NUP62CL: variants seen among roughly 807,000 people sequenced by gnomAD.
NUP62CL encodes nucleoporin 62 C-terminal like.
A neutral mutation model predicts 15.3 loss-of-function variants in NUP62CL; 13 were observed. The ratio of observed to expected loss-of-function variants is 0.85; its 90% confidence interval spans 0.55 to 1.35. The LOEUF (loss-of-function observed/expected upper bound fraction) is 1.35. NUP62CL is among the 40% of genes most tolerant of loss of function. The pLI is 0.00. For synonymous variants in NUP62CL, 54 were observed against 49.2 expected (o/e 1.10, Z -0.41); for missense variants, 123 against 130.6 (o/e 0.94, Z 0.28).
At chrX:107,204,487 G>A (rs1312349259) in intron 1 of NUP62CL, among the ~76,000 whole-genome samples, 1 of 110,797 alleles carries the variant, frequency 9.0e-6, no homozygotes, top group African/African-American at 3.3e-5. Flanking sequence ...GCCAGGGACA[G>A]ATGAAACCTT....
intron 8 of NUP62CL, among the ~76,000 whole-genome samples, chrX:107,142,399 C>G (rs1925792531): frequency 9.0e-6 from 1 of 111,489 alleles, no homozygotes; most frequent in Admixed American, 9.5e-5. Context: ...AGGAGTAACT[C>G]TGCCCTAAAT....
chrX:107,190,987 C>G (rs1927223322), intron 2 of NUP62CL, among the ~76,000 whole-genome samples: 1 of 107,080 alleles, frequency 9.3e-6, no homozygotes, highest in Non-Finnish European at 1.9e-5. Flanking sequence ...GGCACCTACC[C>G]CAGAAGCCCC....
intron 2 of NUP62CL, among the ~76,000 whole-genome samples, chrX:107,191,564 C>A (rs961031620): frequency 5.5e-5 from 6 of 109,998 alleles, no homozygotes; most frequent in Non-Finnish European, 3.8e-5. Flanking sequence ...AAAAATTAGC[C>A]GGGCACAGTA....
chrX:107,141,342 T>C (rs968135296), intron 8 of NUP62CL, among the ~76,000 whole-genome samples: 16 of 112,387 alleles, frequency 1.4e-4, no homozygotes, highest in Non-Finnish European at 5.6e-5. Context: ...GGAACAAAGA[T>C]GAGCAAGTGG....
intron 2 of NUP62CL, among the ~76,000 whole-genome samples, chrX:107,187,287 A>G (rs1602662788): frequency 8.9e-6 from 1 of 112,039 alleles, no homozygotes; most frequent in African/African-American, 3.2e-5. Context: ...AAGAACTGAG[A>G]AAAAAAATAG....
rs778550969 is a variant in NUP62CL at position 107,189,934 on chromosome X, AAAGAAAGAAAG to A, written c.-48+3084_-48+3094del. Among the ~76,000 whole-genome samples, 399 of 107,806 alleles carry A rather than the reference AAAGAAAGAAAG, an allele frequency of 3.7e-3. 4 individuals are homozygous for A. Among genetic ancestry groups the A allele is most frequent in the Non-Finnish European group, 4.7e-3 (244 of 52,091 alleles). The allele number at this position is 107,806 out of a possible 115,157, so 93.6% of individuals were successfully genotyped here. ...GAAAGAAAGAAAGAAAGAAAGAAAGAAAGAAAGAAAGAGAATCGATACAGACAACAATCTGG... is the reference window on the plus strand; with the variant it reads ...GAAAGAAAGAAAGAAAGAAAGAAAGAAGAATCGATACAGACAACAATCTGG... On this transcript the variant is annotated intron_variant, in intron 2 of 8. Transcript: ENST00000372466.
At chrX:107,188,973 T>G (rs1927141788) in intron 2 of NUP62CL, among the ~76,000 whole-genome samples, 1 of 112,047 alleles carries the variant, frequency 8.9e-6, no homozygotes, top group Non-Finnish European at 1.9e-5. Flanking sequence ...AAAGGACTCC[T>G]ATAATACATT....
chrX:107,172,283 C>T (rs1278533862), intron 3 of NUP62CL, among the ~76,000 whole-genome samples: 1 of 109,751 alleles, frequency 9.1e-6, no homozygotes, highest in Non-Finnish European at 1.9e-5. Context: ...CAGCTATAAT[C>T]ACGCCACTGC....
intron 8 of NUP62CL, among the ~76,000 whole-genome samples, chrX:107,137,687 G>C (rs1041558748): frequency 1.8e-5 from 2 of 111,875 alleles, no homozygotes; most frequent in Non-Finnish European, 3.8e-5. Flanking sequence ...TATGTGATGT[G>C]GGTGATGAAA....
Position 107,124,177 on chromosome X carries a change from CTATT to C in NUP62CL, c.*194_*197del, listed in dbSNP as rs1488833873. ...TGAAATATTAAGTATAAATACTACTCTATTTAACATCAGAATTTGTAGGTAATAA... is the reference window on the plus strand; with the variant it reads ...TGAAATATTAAGTATAAATACTACTCTAACATCAGAATTTGTAGGTAATAA... On this transcript the variant is annotated 3_prime_UTR_variant, in exon 9 of 9. Coordinates refer to ENST00000372466, the MANE Select transcript of NUP62CL (RefSeq NM_017681.3). 6.2e-6 allele frequency: 2 copies of C among 321,866 alleles called. No individual in the cohort carries two copies. The highest frequency in any genetic ancestry group is 2.9e-5 in the South Asian group (1 of 34,237). The allele number at this position is 321,866 out of a possible 1,213,427, so 26.5% of individuals were successfully genotyped here.
intron 8 of NUP62CL, among the ~76,000 whole-genome samples, chrX:107,140,205 A>C (rs1214342667): frequency 8.9e-6 from 1 of 112,089 alleles, no homozygotes; most frequent in Non-Finnish European, 1.9e-5. Flanking sequence ...AGAAAAATGT[A>C]GTAGAATTAT....
intron 2 of NUP62CL, among the ~76,000 whole-genome samples, chrX:107,188,404 C>T (rs1282522180): frequency 9.1e-6 from 1 of 110,405 alleles, no homozygotes; most frequent in East Asian, 2.8e-4. Context: ...AACTTCAACA[C>T]CCAGTCATGG....
At chrX:107,177,209 A>C (rs1926807744) in intron 2 of NUP62CL, among the ~76,000 whole-genome samples, 1 of 112,087 alleles carries the variant, frequency 8.9e-6, no homozygotes, top group South Asian at 3.7e-4. Flanking sequence ...ATATAATTCC[A>C]TTTATGATTG....
intron 8 of NUP62CL, among the ~76,000 whole-genome samples, chrX:107,141,990 C>T (rs962385984): frequency 1.8e-5 from 2 of 109,491 alleles, no homozygotes; most frequent in Admixed American, 9.8e-5. Flanking sequence ...GCAGAGGTTG[C>T]AGTGAGCCGA....
intron 8 of NUP62CL, among the ~76,000 whole-genome samples, chrX:107,131,443 G>C (rs1297438847): frequency 7.1e-5 from 8 of 112,278 alleles, no homozygotes; most frequent in Admixed American, 3.8e-4. Flanking sequence ...GGATATCTAT[G>C]TGCAGATGTT....
In NUP62CL at chrX:107,193,057, C is replaced by A. The variant is rs1927280651; in HGVS notation, c.-76G>T. 9.0e-6 allele frequency: 1 copy of A among 111,200 alleles called. No homozygotes were observed. Among genetic ancestry groups the A allele is most frequent in the Admixed American group, 9.6e-5 (1 of 10,425 alleles). The allele number at this position is 111,200 out of a possible 1,213,427, so 9.2% of individuals were successfully genotyped here. A position where few individuals can be genotyped will look rare whatever the true frequency, so the allele number is the denominator to read the frequency against. On this transcript the variant is annotated 5_prime_UTR_variant, in exon 2 of 9. Coordinates refer to ENST00000372466, the MANE Select transcript of NUP62CL (RefSeq NM_017681.3). ...TAAAGTTCCTCCAAAATTAAACCTG[C>A]TGATGACTCCAAACCCTAAAAAAGG... is the stretch of plus-strand genomic sequence containing the variant.
intron 3 of NUP62CL, among the ~76,000 whole-genome samples, chrX:107,169,982 G>C (rs765362346): frequency 9.1e-6 from 1 of 109,984 alleles, no homozygotes; most frequent in South Asian, 4.0e-4. Flanking sequence ...GGCCGAGGCA[G>C]GTATATCACT....
At chrX:107,151,348 G>A (rs932213728) in intron 7 of NUP62CL, among the ~76,000 whole-genome samples, 3 of 111,616 alleles carry the variant, frequency 2.7e-5, no homozygotes, top group Non-Finnish European at 5.6e-5. Flanking sequence ...ATGCTGAGAT[G>A]TCTTCAATGA....
At chrX:107,189,869 A>AAGG (rs1927174950) in intron 2 of NUP62CL, among the ~76,000 whole-genome samples, 1 of 66,149 alleles carries the variant, frequency 1.5e-5, no homozygotes, top group Non-Finnish European at 3.0e-5. Context: ...AAGGAAGGAA[A>AAGG]AAGAAAGAAA....
Sources: allele counts gnomAD v4.1 joint callset (sites outside exome capture counted in the v4.1 genomes callset), GRCh38; gene constraint gnomAD v4.1.1; transcripts MANE v1.5; gene names NCBI Gene and HGNC (gene_info 2026-07-23, HGNC 2026-07-21).